Variants in RPAP2 observed in about 807,000 individuals in gnomAD.
RPAP2 encodes RNA polymerase II associated protein 2.
A neutral mutation model predicts 73.1 loss-of-function variants in RPAP2; 52 were observed. That is an observed-to-expected ratio of 0.71 (90% CI 0.57 to 0.90). The LOEUF (loss-of-function observed/expected upper bound fraction) is 0.90, where lower values mean the gene tolerates loss of function less well. Ranked by LOEUF, RPAP2 falls within the 40% of genes least tolerant of loss-of-function variation. The pLI is 0.00. For synonymous variants in RPAP2, 225 were observed against 242.1 expected (o/e 0.93, Z 0.65); for missense variants, 598 against 701.8 (o/e 0.85, Z 1.67).
At chr1:92,306,670 C>G (rs533782755) in intron 5 of RPAP2, among the ~76,000 whole-genome samples, 1 of 151,920 alleles carries the variant, frequency 6.6e-6, no homozygotes, top group South Asian at 2.1e-4. Context: ...AAATAGAGAC[C>G]CCATCTCTAC....
chr1:92,348,279 C>A (rs1654017693), intron 11 of RPAP2, among the ~76,000 whole-genome samples: 1 of 152,208 alleles, frequency 6.6e-6, no homozygotes, highest in South Asian at 2.1e-4. Flanking sequence ...ATGCCCTAAT[C>A]CCTACCTCTA....
intron 11 of RPAP2, among the ~76,000 whole-genome samples, chr1:92,380,135 G>C (rs185244469): frequency 6.8e-6 from 1 of 147,038 alleles, no homozygotes; most frequent in African/African-American, 2.5e-5. Context: ...AAAATTAGCC[G>C]GGCGTGGTGG....
At chr1:92,314,493 G>A (rs1651793908) in intron 6 of RPAP2, among the ~76,000 whole-genome samples, 1 of 152,158 alleles carries the variant, frequency 6.6e-6, no homozygotes, top group Admixed American at 6.5e-5. Context: ...GCTAACACCA[G>A]TAATCCAGCA....
At chr1:92,318,117 G>C (rs1042167312) in intron 6 of RPAP2, among the ~76,000 whole-genome samples, 8 of 152,182 alleles carry the variant, frequency 5.3e-5, no homozygotes, top group Non-Finnish European at 7.3e-5. Context: ...TACAGTCAGC[G>C]ATTACAGTGT....
chr1:92,329,093 G>A (rs908972369), intron 8 of RPAP2, among the ~76,000 whole-genome samples: 1 of 152,154 alleles, frequency 6.6e-6, no homozygotes, highest in African/African-American at 2.4e-5. Flanking sequence ...TTTTAAGTGC[G>A]CTGGTTTTGT....
At chr1:92,362,503 G>C (rs1654770355) in intron 11 of RPAP2, among the ~76,000 whole-genome samples, 2 of 152,122 alleles carry the variant, frequency 1.3e-5, no homozygotes, top group South Asian at 4.1e-4. Context: ...GAATGAGTTT[G>C]GGATTTGGCT....
intron 11 of RPAP2, among the ~76,000 whole-genome samples, chr1:92,367,477 A>G (rs942632258): frequency 6.6e-6 from 1 of 152,246 alleles, no homozygotes; most frequent in African/African-American, 2.4e-5. Flanking sequence ...GACAGAAATA[A>G]TCTTCCTACC....
intron 10 of RPAP2, among the ~76,000 whole-genome samples, chr1:92,344,882 C>CTG (rs1653798839): frequency 6.6e-6 from 1 of 152,056 alleles, no homozygotes; most frequent in Admixed American, 6.5e-5. Flanking sequence ...TATAAATTCC[C>CTG]TGTTCATATC....
intron 11 of RPAP2, among the ~76,000 whole-genome samples, chr1:92,356,093 G>C (rs1654448245): frequency 6.6e-6 from 1 of 152,054 alleles, no homozygotes; most frequent in Admixed American, 6.6e-5. Context: ...CACTCCAACT[G>C]TGGGCCTTTT....
chr1:92,363,581 T>C (rs530875658), intron 11 of RPAP2: 4 of 157,824 alleles, frequency 2.5e-5, no homozygotes, highest in South Asian at 1.8e-4. Flanking sequence ...GAAAACACAA[T>C]TGACCCTTGA....
At chr1:92,346,824 T>G (rs556854296) in intron 11 of RPAP2, among the ~76,000 whole-genome samples, 1 of 152,216 alleles carries the variant, frequency 6.6e-6, no homozygotes, top group Non-Finnish European at 1.5e-5. Context: ...GTTTTTCAGC[T>G]TGAATTGTAA....
intron 6 of RPAP2, among the ~76,000 whole-genome samples, chr1:92,319,646 C>T (rs1652129817): frequency 6.6e-6 from 1 of 152,130 alleles, no homozygotes; most frequent in Non-Finnish European, 1.5e-5. Flanking sequence ...CAATTATAAA[C>T]AGTCTCTGCC....
intron 12 of RPAP2, 55 bp downstream of exon 12, chr1:92,380,928 G>GT: frequency 7.1e-7 from 1 of 1,411,960 alleles, no homozygotes. Flanking sequence ...TGCCTATGTG[G>GT]ATTCTTTTTT....
intron 11 of RPAP2, among the ~76,000 whole-genome samples, chr1:92,370,903 T>C (rs530662439): frequency 7.9e-5 from 12 of 152,268 alleles, no homozygotes; most frequent in Admixed American, 7.2e-4. Context: ...TAAAGACCTA[T>C]AGATAACAAG....
At chr1:92,319,357 TTC>T (rs1247456494) in intron 6 of RPAP2, among the ~76,000 whole-genome samples, 3 of 152,382 alleles carry the variant, frequency 2.0e-5, no homozygotes, top group African/African-American at 7.2e-5. Context: ...AAATTGCTTA[TTC>T]TCTCTGTACT....
chr1:92,302,189 A>G (rs1455884591), intron 3 of RPAP2, among the ~76,000 whole-genome samples: 1 of 152,176 alleles, frequency 6.6e-6, no homozygotes, highest in Non-Finnish European at 1.5e-5. Flanking sequence ...AGGCATGAGA[A>G]TCACTTGAAC....
intron 6 of RPAP2, among the ~76,000 whole-genome samples, chr1:92,307,902 T>C (rs1237521463): frequency 6.6e-6 from 1 of 152,122 alleles, no homozygotes; most frequent in Non-Finnish European, 1.5e-5. Flanking sequence ...TTAAACTGTA[T>C]TGCCTAGAAA....
intron 11 of RPAP2, among the ~76,000 whole-genome samples, chr1:92,361,274 C>T (rs987616404): frequency 6.6e-6 from 1 of 151,986 alleles, no homozygotes; most frequent in African/African-American, 2.4e-5. Context: ...AAATTTGAAG[C>T]AGTTTTCTTA....
chr1:92,375,999 CA>C (rs1234687722), intron 11 of RPAP2, among the ~76,000 whole-genome samples: 6,650 of 65,330 alleles, frequency 0.1, 360 homozygotes, highest in African/African-American at 0.27. Flanking sequence ...GACTCTGTCT[CA>C]AAAAAAAAAA....
Sources: gnomAD v4.1 joint callset for allele counts (sites outside exome capture counted in the v4.1 genomes callset) on GRCh38, gnomAD v4.1.1 for gene constraint, MANE v1.5 for transcripts, NCBI Gene and HGNC (gene_info 2026-07-23, HGNC 2026-07-21) for gene names.